The following CAMKMT variants were observed in gnomAD, a reference collection of about 807,000 sequenced individuals.
CAMKMT encodes calmodulin-lysine N-methyltransferase, also known as CaM KMT.
CAMKMT carries 53 observed loss-of-function variants against 48.0 expected under a neutral mutation model. The ratio of observed to expected loss-of-function variants is 1.10; its 90% confidence interval spans 0.89 to 1.39. CAMKMT has a LOEUF of 1.39. Ranked by LOEUF, CAMKMT falls within the 40% of genes most tolerant of loss-of-function variation. The pLI is 0.00. For synonymous variants in CAMKMT, 165 were observed against 152.3 expected (o/e 1.08, Z -0.61); for missense variants, 428 against 402.7 (o/e 1.06, Z -0.54).
At chr2:44,554,981 G>A (rs1157890318) in intron 3 of CAMKMT, among the ~76,000 whole-genome samples, 1 of 152,164 alleles carries the variant, frequency 6.6e-6, no homozygotes, top group Non-Finnish European at 1.5e-5. Flanking sequence ...GGGCGTTCTG[G>A]TTGGGGTGGG....
chr2:44,582,032 G>T (rs1363353525), intron 3 of CAMKMT, among the ~76,000 whole-genome samples: 3 of 152,190 alleles, frequency 2.0e-5, no homozygotes, highest in Non-Finnish European at 4.4e-5. Flanking sequence ...GGTTTTAACA[G>T]AATGTTTTGT....
intron 3 of CAMKMT, among the ~76,000 whole-genome samples, chr2:44,624,999 CT>C (rs58586599): frequency 0.036 from 5,549 of 152,154 alleles, 282 homozygotes; most frequent in African/African-American, 0.12. Context: ...TGTTTCCTGA[CT>C]TTCTAATGAT....
At chr2:44,766,803 C>A (rs1041212771) in intron 10 of CAMKMT, among the ~76,000 whole-genome samples, 1 of 152,176 alleles carries the variant, frequency 6.6e-6, no homozygotes, top group African/African-American at 2.4e-5. Flanking sequence ...CTAATCTTTT[C>A]ATTCATAATA....
intron 3 of CAMKMT, among the ~76,000 whole-genome samples, chr2:44,677,586 T>C (rs1182256484): frequency 1.3e-5 from 2 of 151,940 alleles, no homozygotes. Flanking sequence ...CGGGCACCTG[T>C]AATCCCAGCT....
chr2:44,525,403 T>G (rs557017626), intron 3 of CAMKMT, among the ~76,000 whole-genome samples: 1 of 152,116 alleles, frequency 6.6e-6, no homozygotes, highest in East Asian at 1.9e-4. Flanking sequence ...TACAGGTGCT[T>G]GCCACCATAC....
chr2:44,371,087 C>T (rs935838583), intron 1 of CAMKMT, among the ~76,000 whole-genome samples: 6 of 152,184 alleles, frequency 3.9e-5, no homozygotes, highest in Admixed American at 2.0e-4. Flanking sequence ...TGGGTTCAAG[C>T]GATTCTCCTG....
intron 3 of CAMKMT, among the ~76,000 whole-genome samples, chr2:44,584,423 A>G (rs1302053326): frequency 1.1e-4 from 16 of 152,198 alleles, no homozygotes; most frequent in Non-Finnish European, 1.3e-4. Flanking sequence ...AGTAATTTTT[A>G]TCCCCAAATG....
At chr2:44,385,765 G>A (rs956596209) in intron 2 of CAMKMT, among the ~76,000 whole-genome samples, 2 of 152,024 alleles carry the variant, frequency 1.3e-5, no homozygotes, top group Non-Finnish European at 2.9e-5. Flanking sequence ...TGTTTATGTG[G>A]TGTATCACAT....
intron 3 of CAMKMT, among the ~76,000 whole-genome samples, chr2:44,578,650 T>A (rs778865206): frequency 1.3e-5 from 2 of 152,082 alleles, no homozygotes; most frequent in African/African-American, 4.8e-5. Flanking sequence ...ACAAGGCAAA[T>A]TGGGTAATGG....
rs142613355 is a variant in CAMKMT at position 44,685,571 on chromosome 2, A to G, written c.377-18712A>G. Among the ~76,000 whole-genome samples the G allele has an allele frequency of 5.1e-3, 783 of 152,312 alleles. 2 individuals carry two copies. Among genetic ancestry groups the G allele is most frequent in the Non-Finnish European group, 7.9e-3 (539 of 68,022 alleles). ...ATCTCTGCAGGATTCTAGAAGCATT[A>G]TGCTCAGCCATTAAAACAGTGCAGC... On this transcript the variant is annotated intron_variant, in intron 3 of 10. Coordinates refer to ENST00000378494, the MANE Select transcript of CAMKMT (RefSeq NM_024766.5).
rs1452939374 is a variant in CAMKMT, at chr2:44,514,970, A to G, written c.376+124665A>G. On this transcript the variant is annotated intron_variant, in intron 3 of 10. Transcript: ENST00000378494. ...ATATTTACGAGAAAGGGAACTGCAT[A>G]GCCTCTGAGAAGTTGGGTAGTCCTG... Among the ~76,000 whole-genome samples, 2 of 152,360 alleles carry G rather than the reference A, an allele frequency of 1.3e-5. 1 individual carries two copies. The highest frequency in any genetic ancestry group is 2.9e-5 in the Non-Finnish European group (2 of 68,036).
chr2:44,426,971 G>A (rs1684316690), intron 3 of CAMKMT, among the ~76,000 whole-genome samples: 2 of 152,122 alleles, frequency 1.3e-5, no homozygotes, highest in Non-Finnish European at 2.9e-5. Flanking sequence ...TACAAAAATA[G>A]ACACATAGAC....
chr2:44,374,117 CAAAAAAAAAA>C (rs59922847), intron 2 of CAMKMT, among the ~76,000 whole-genome samples: 3 of 66,390 alleles, frequency 4.5e-5, no homozygotes, highest in African/African-American at 1.1e-4. Context: ...GACTCTGCCT[CAAAAAAAAAA>C]AAAAAAAAAA....
intron 3 of CAMKMT, among the ~76,000 whole-genome samples, chr2:44,525,982 A>G (rs935293034): frequency 6.6e-6 from 1 of 152,106 alleles, no homozygotes; most frequent in South Asian, 2.1e-4. Context: ...AGCATTAGGT[A>G]TATCTCCTAA....
intron 3 of CAMKMT, among the ~76,000 whole-genome samples, chr2:44,698,835 G>A (rs974866486): frequency 3.9e-5 from 6 of 152,202 alleles, no homozygotes; most frequent in African/African-American, 1.4e-4. Context: ...TTTCGAAATT[G>A]GAGTCAATCC....
intron 3 of CAMKMT, among the ~76,000 whole-genome samples, chr2:44,539,354 T>C (rs1248264627): frequency 6.6e-6 from 1 of 151,924 alleles, no homozygotes; most frequent in Non-Finnish European, 1.5e-5. Context: ...TTTTAATCTG[T>C]CTATATTGTT....
At chr2:44,565,371 G>A (rs1668556610) in intron 3 of CAMKMT, among the ~76,000 whole-genome samples, 1 of 152,090 alleles carries the variant, frequency 6.6e-6, no homozygotes, top group Non-Finnish European at 1.5e-5. Flanking sequence ...CTAACTTCTG[G>A]AGAGAACTTG....
chr2:44,570,969 C>T (rs139103710), intron 3 of CAMKMT, among the ~76,000 whole-genome samples: 40 of 152,018 alleles, frequency 2.6e-4, no homozygotes, highest in Middle Eastern at 3.4e-3. Context: ...AAAAACACCA[C>T]GAAAAGTAAA....
chr2:44,416,155 A>G (rs967352097), intron 3 of CAMKMT, among the ~76,000 whole-genome samples: 1 of 152,242 alleles, frequency 6.6e-6, no homozygotes, highest in African/African-American at 2.4e-5. Context: ...TACCTACGTA[A>G]CAATGTTAAT....
Sources: gnomAD v4.1 joint callset for allele counts (sites outside exome capture counted in the v4.1 genomes callset) on GRCh38, gnomAD v4.1.1 for gene constraint, MANE v1.5 for transcripts, NCBI Gene and HGNC (gene_info 2026-07-23, HGNC 2026-07-21) for gene names.